Variants in CDH9 observed in about 807,000 individuals in gnomAD.
CDH9 encodes the protein cadherin 9, also known as cadherin-9.
Under a neutral mutation model 70.9 loss-of-function variants are expected in CDH9, and 28 were observed. That is an observed-to-expected ratio of 0.40 (90% confidence interval 0.29 to 0.54). The LOEUF (loss-of-function observed/expected upper bound fraction) is 0.54. CDH9 is among the 20% of genes least tolerant of loss of function. The pLI is 0.59. For synonymous variants in CDH9, 409 were observed against 343.1 expected (o/e 1.19, Z -2.12); for missense variants, 874 against 984.4 (o/e 0.89, Z 1.50).
intron 7 of CDH9, among the ~76,000 whole-genome samples, chr5:26,891,517 A>T (rs1484635787): frequency 1.3e-5 from 2 of 152,126 alleles, no homozygotes; most frequent in Non-Finnish European, 2.9e-5. Flanking sequence ...GTCTCTACTA[A>T]AAATACAAAA....
intron 2 of CDH9, 26 bp downstream of exon 2, chr5:26,988,080 T>C (rs1742516994): frequency 6.5e-7 from 1 of 1,539,554 alleles, no homozygotes; most frequent in Non-Finnish European, 8.9e-7. Flanking sequence ...TTTCAGCTTT[T>C]AGATTTCTCA....
At chr5:26,955,846 C>A (rs1345264833) in intron 2 of CDH9, among the ~76,000 whole-genome samples, 3 of 152,146 alleles carry the variant, frequency 2.0e-5, no homozygotes, top group Non-Finnish European at 4.4e-5. Context: ...TGGTTAAATG[C>A]ATGTTGATCA....
intron 1 of CDH9, among the ~76,000 whole-genome samples, chr5:27,024,817 G>C (rs1319704246): frequency 6.6e-6 from 1 of 152,024 alleles, no homozygotes; most frequent in Non-Finnish European, 1.5e-5. Context: ...GTATACTAGA[G>C]TTGATTTCTA....
At chr5:27,014,297 A>G (rs138404252) in intron 1 of CDH9, among the ~76,000 whole-genome samples, 1 of 152,072 alleles carries the variant, frequency 6.6e-6, no homozygotes, top group African/African-American at 2.4e-5. Flanking sequence ...AAGCTCTAAT[A>G]TTTCTATATT....
At position 26,906,000 on chromosome 5, in the gene CDH9, G is replaced by T. The variant is rs771361447; in HGVS notation, c.770C>A (p.Thr257Lys). 3.1e-6 allele frequency: 5 copies of T among 1,613,360 alleles called. No individual in the cohort carries two copies. The highest frequency in any genetic ancestry group is 2.2e-5 in the East Asian group (1 of 44,862). Residue 257 changes from threonine (T) to lysine (K), a missense_variant, in exon 5 of 12, where the codon ACG becomes AAG. Transcript: ENST00000231021. ...AGGGTTGTTGTTGACATCTGTCAGC[G>T]TGATGTTCACTGTGGTGGTTCCAGA... Reference protein sequence around the residue: ...GLSGTTTVNITLTDVNNNPPR... With the variant: ...GLSGTTTVNIKLTDVNNNPPR...
At chr5:26,907,728 C>T (rs1561190976) in intron 3 of CDH9, among the ~76,000 whole-genome samples, 2 of 152,156 alleles carry the variant, frequency 1.3e-5, no homozygotes, top group African/African-American at 4.8e-5. Flanking sequence ...TCTGACATCA[C>T]CCTTAAATGA....
intron 1 of CDH9, among the ~76,000 whole-genome samples, chr5:27,034,533 T>C (rs2112139159): frequency 6.6e-6 from 1 of 151,862 alleles, no homozygotes; most frequent in East Asian, 1.9e-4. Context: ...TTACTTTTTT[T>C]ACTTTTATTC....
intron 2 of CDH9, among the ~76,000 whole-genome samples, chr5:26,936,548 A>G (rs1741561989): frequency 6.6e-6 from 1 of 152,176 alleles, no homozygotes. Flanking sequence ...GTAACTACAT[A>G]TAATGTTTCC....
At chr5:26,972,218 G>T (rs1305137453) in intron 2 of CDH9, among the ~76,000 whole-genome samples, 2 of 152,126 alleles carry the variant, frequency 1.3e-5, no homozygotes, top group African/African-American at 4.8e-5. Context: ...CCAGTTAGGG[G>T]TCTAATATAA....
intron 1 of CDH9, among the ~76,000 whole-genome samples, chr5:27,003,234 T>C (rs989939256): frequency 3.9e-5 from 6 of 152,156 alleles, no homozygotes; most frequent in African/African-American, 1.4e-4. Context: ...ATTTTGGATG[T>C]TCTACCTGTA....
chr5:26,928,327 A>T (rs1032793473), intron 2 of CDH9, among the ~76,000 whole-genome samples: 1 of 152,060 alleles, frequency 6.6e-6, no homozygotes, highest in Non-Finnish European at 1.5e-5. Flanking sequence ...TCTATAAAAC[A>T]TTAATGCAAG....
At chr5:26,907,026 T>C (rs1740961080) in intron 3 of CDH9, among the ~76,000 whole-genome samples, 188 bp from the exon 4 acceptor site, 1 of 152,208 alleles carries the variant, frequency 6.6e-6, no homozygotes, top group Admixed American at 6.5e-5. Context: ...AAGTGTTTCT[T>C]AATTTTTTTG....
At chr5:26,911,510 G>A (rs190534515) in intron 3 of CDH9, among the ~76,000 whole-genome samples, 1 of 152,208 alleles carries the variant, frequency 6.6e-6, no homozygotes, top group Admixed American at 6.5e-5. Flanking sequence ...AAGAGGACTG[G>A]ATAGGTTTTT....
chr5:27,035,517 T>G (rs1215894804), intron 1 of CDH9, among the ~76,000 whole-genome samples: 1 of 151,770 alleles, frequency 6.6e-6, no homozygotes, highest in Non-Finnish European at 1.5e-5. Context: ...GAAATCAATG[T>G]CCTTTGGATT....
At chr5:26,957,456 G>T (rs1741965885) in intron 2 of CDH9, among the ~76,000 whole-genome samples, 1 of 152,082 alleles carries the variant, frequency 6.6e-6, no homozygotes, top group Admixed American at 6.6e-5. Context: ...GAGGTCAGGA[G>T]TTCCAGACAA....
intron 1 of CDH9, among the ~76,000 whole-genome samples, chr5:26,999,256 T>C (rs1742723229): frequency 6.6e-6 from 1 of 151,174 alleles, no homozygotes; most frequent in Non-Finnish European, 1.5e-5. Context: ...TAAAAATAAA[T>C]AAAAATAAAG....
At chr5:26,947,587 G>A (rs1340137038) in intron 2 of CDH9, among the ~76,000 whole-genome samples, 2 of 152,170 alleles carry the variant, frequency 1.3e-5, no homozygotes, top group Non-Finnish European at 2.9e-5. Context: ...CTTTCATCAT[G>A]AAAGGACATG....
Position 26,886,055 on chromosome 5 carries a change from T to A in CDH9, c.1541A>T (p.Lys514Met). 6.2e-7 allele frequency: 1 copy of A among 1,607,432 alleles called. No individual in the cohort carries two copies. The highest frequency in any genetic ancestry group is 2.2e-5 in the East Asian group (1 of 44,818). ...TTTGTGACCTCGGGGAGGGTCATCC[T>A]TATCCATGACACTGACAGTCTGAAT... ...QLIQTVSVMD[K>M]DDPPRGHKFF... Residue 514 changes from lysine (K) to methionine (M), a missense_variant, in exon 10 of 12, where the codon AAG becomes ATG. Transcript: ENST00000231021.
intron 2 of CDH9, among the ~76,000 whole-genome samples, chr5:26,921,218 G>C (rs1350571618): frequency 1.3e-5 from 2 of 151,868 alleles, no homozygotes; most frequent in Admixed American, 6.6e-5. Flanking sequence ...AGAGAAGATG[G>C]GAAGTACCTA....
Sources: gnomAD v4.1 joint callset for allele counts (sites outside exome capture counted in the v4.1 genomes callset) on GRCh38, gnomAD v4.1.1 for gene constraint, MANE v1.5 for transcripts, NCBI Gene and HGNC (gene_info 2026-07-23, HGNC 2026-07-21) for gene names.